The following RBMS3 variants were observed in gnomAD, a reference collection of about 807,000 sequenced individuals.
RBMS3 encodes RNA-binding motif, single-stranded-interacting protein 3.
In RBMS3, 27 loss-of-function variants were observed where a neutral mutation model predicts 66.8. The observed-to-expected ratio is 0.40, with a 90% CI of 0.30 to 0.56. RBMS3 has a LOEUF of 0.56. RBMS3 is among the 20% of genes least tolerant of loss of function. The pLI is 0.40. For missense variants in RBMS3, 513 were observed against 549.5 expected (o/e 0.93, Z 0.66); for synonymous variants, 188 against 183.0 (o/e 1.03, Z -0.22).
In RBMS3 at chr3:29,990,786, T is replaced by C. The variant is rs1187282835; in HGVS notation, c.1180-296T>C. Among the ~76,000 whole-genome samples, 6 of 152,326 alleles carry C rather than the reference T, an allele frequency of 3.9e-5. No homozygotes were observed. In the East Asian group the frequency reaches 1.2e-3, roughly 29 times the overall value. On this transcript the variant is annotated intron_variant, in intron 13 of 14. Transcript: ENST00000383767. Reference sequence around the variant, plus strand: ...TGAATGAGGATAAATTGGCATTTATTGTGGATAAATGTGCAAACCTGGTTT... The same window carrying C: ...TGAATGAGGATAAATTGGCATTTATCGTGGATAAATGTGCAAACCTGGTTT...
intron 1 of RBMS3, among the ~76,000 whole-genome samples, chr3:29,374,900 T>C (rs572390510): frequency 7.2e-5 from 11 of 152,206 alleles, no homozygotes; most frequent in Non-Finnish European, 4.4e-5. Flanking sequence ...TATAATGAGG[T>C]GCTACTGCAC....
chr3:29,916,586 T>C (rs1577138014), intron 10 of RBMS3, among the ~76,000 whole-genome samples: 1 of 152,084 alleles, frequency 6.6e-6, no homozygotes, highest in East Asian at 1.9e-4. Context: ...GGGAAGCACA[T>C]ATTTGTCCTA....
intron 1 of RBMS3, among the ~76,000 whole-genome samples, chr3:29,421,068 G>T (rs1398770930): frequency 6.6e-6 from 1 of 151,548 alleles, no homozygotes; most frequent in African/African-American, 2.4e-5. Flanking sequence ...AGCTAAGATC[G>T]CGCCACTGCA....
chr3:30,002,863 C>T (rs1016299916), intron 14 of RBMS3, among the ~76,000 whole-genome samples: 1 of 151,916 alleles, frequency 6.6e-6, no homozygotes, highest in Admixed American at 6.6e-5. Context: ...CTGCAGGGTA[C>T]ATACCTTGGG....
At chr3:30,000,539 G>T (rs1185575500) in intron 14 of RBMS3, among the ~76,000 whole-genome samples, 1 of 152,088 alleles carries the variant, frequency 6.6e-6, no homozygotes, top group East Asian at 1.9e-4. Context: ...CCATTACTGG[G>T]TATATACCCA....
In RBMS3 at chr3:29,648,263, ATTTTTTTTTT is replaced by A. The variant is rs749839563; in HGVS notation, c.399+61071_399+61080del. ...AACATAGGGAAAATAGAAAATGTCTATTTTTTTTTTTTTTTTTTTTTTGCGACAGGGTCTC... is the reference window on the plus strand; with the variant it reads ...AACATAGGGAAAATAGAAAATGTCTATTTTTTTTTTTTGCGACAGGGTCTC... On this transcript the variant is annotated intron_variant, in intron 4 of 14. Transcript: ENST00000383767. Among the ~76,000 whole-genome samples, 728 of 77,658 alleles carry A rather than the reference ATTTTTTTTTT, an allele frequency of 9.4e-3. 12 individuals carry two copies. Among genetic ancestry groups the A allele is most frequent in the African/African-American group, 0.035 (677 of 19,146 alleles). The allele number at this position is 77,658 out of a possible 152,430, so 50.9% of individuals were successfully genotyped here. A position where few individuals can be genotyped will look rare whatever the true frequency, so the allele number is the denominator to read the frequency against.
At chr3:29,428,826 C>T (rs1458874510) in intron 1 of RBMS3, among the ~76,000 whole-genome samples, 1 of 152,188 alleles carries the variant, frequency 6.6e-6, no homozygotes, top group African/African-American at 2.4e-5. Flanking sequence ...TTGAAAAACT[C>T]ATAACATGCT....
At chr3:29,804,814 A>AT (rs568803963) in intron 6 of RBMS3, among the ~76,000 whole-genome samples, 100 of 152,000 alleles carry the variant, frequency 6.6e-4, no homozygotes, top group Non-Finnish European at 1.1e-3. Context: ...TGAATCTGTG[A>AT]TTTTTTCTGA....
chr3:29,625,737 T>TAAAA (rs1553633451), intron 4 of RBMS3, among the ~76,000 whole-genome samples: 10 of 151,140 alleles, frequency 6.6e-5, no homozygotes, highest in Non-Finnish European at 1.2e-4. Flanking sequence ...AATAAATAAA[T>TAAAA]AAAAATAATC....
intron 5 of RBMS3, among the ~76,000 whole-genome samples, chr3:29,747,288 T>C (rs999063841): frequency 6.6e-6 from 1 of 152,204 alleles, no homozygotes; most frequent in Admixed American, 6.5e-5. Flanking sequence ...TACATCTTAG[T>C]TCTGCACCTC....
intron 6 of RBMS3, among the ~76,000 whole-genome samples, chr3:29,809,333 A>G (rs2057655278): frequency 8.5e-6 from 1 of 118,326 alleles, no homozygotes; most frequent in Non-Finnish European, 1.9e-5. Flanking sequence ...CACTATGATC[A>G]GTGGGAAAAA....
chr3:29,475,833 C>G (rs2042929389), intron 2 of RBMS3, among the ~76,000 whole-genome samples: 1 of 151,884 alleles, frequency 6.6e-6, no homozygotes, highest in Non-Finnish European at 1.5e-5. Context: ...TTATGTGGGG[C>G]CATGTGTTGG....
chr3:29,504,068 T>C (rs1181700940), intron 3 of RBMS3, among the ~76,000 whole-genome samples: 1 of 152,108 alleles, frequency 6.6e-6, no homozygotes, highest in Non-Finnish European at 1.5e-5. Context: ...TGCACACATG[T>C]GGAAACACAG....
intron 3 of RBMS3, among the ~76,000 whole-genome samples, chr3:29,499,666 T>C (rs2043890126): frequency 6.6e-6 from 1 of 152,230 alleles, no homozygotes; most frequent in Non-Finnish European, 1.5e-5. Context: ...ATAGACCTAT[T>C]GGTCATTCAG....
chr3:29,964,369 G>C (rs867723830), intron 12 of RBMS3, among the ~76,000 whole-genome samples: 5 of 152,184 alleles, frequency 3.3e-5, no homozygotes, highest in African/African-American at 9.6e-5. Flanking sequence ...AGGTAAGAAA[G>C]TAGAGTGGTA....
At chr3:29,344,761 C>T (rs2036476608) in intron 1 of RBMS3, among the ~76,000 whole-genome samples, 4 of 152,068 alleles carry the variant, frequency 2.6e-5, no homozygotes, top group African/African-American at 9.7e-5. Flanking sequence ...TTTTCATGTA[C>T]ATATTTCCCT....
At chr3:29,367,756 A>G (rs1377011492) in intron 1 of RBMS3, among the ~76,000 whole-genome samples, 1 of 152,182 alleles carries the variant, frequency 6.6e-6, no homozygotes, top group East Asian at 1.9e-4. Flanking sequence ...GAGGCAAATA[A>G]TATTCCCCTA....
intron 6 of RBMS3, among the ~76,000 whole-genome samples, chr3:29,798,495 A>C (rs1250151997): frequency 6.6e-6 from 1 of 152,134 alleles, no homozygotes; most frequent in East Asian, 1.9e-4. Flanking sequence ...AGGCTGTGTC[A>C]AAATTGTCCT....
intron 14 of RBMS3, among the ~76,000 whole-genome samples, chr3:29,999,870 G>A (rs1366442218): frequency 1.3e-5 from 2 of 151,752 alleles, no homozygotes; most frequent in Non-Finnish European, 1.5e-5. Flanking sequence ...TAACAAACCT[G>A]CACATTGTGC....
Sources: allele counts gnomAD v4.1 joint callset (sites outside exome capture counted in the v4.1 genomes callset), GRCh38; gene constraint gnomAD v4.1.1; transcripts MANE v1.5; gene names NCBI Gene and HGNC (gene_info 2026-07-23, HGNC 2026-07-21).